Variants in CYSLTR1 observed in about 807,000 individuals in gnomAD.
CYSLTR1 encodes G-protein coupled receptor HG55.
CYSLTR1 carries 1 observed loss-of-function variant against 2.1 expected under a neutral mutation model. The observed-to-expected ratio is 0.48, with a 90% CI of 0.17 to 2.28. The LOEUF is 2.28. CYSLTR1 is among the 30% of genes most tolerant of loss of function. CYSLTR1 has a pLI of 0.26. For missense variants in CYSLTR1, 299 were observed against 250.1 expected (o/e 1.20, Z -1.32); for synonymous variants, 110 against 89.6 (o/e 1.23, Z -1.28).
chrX:78,325,323 T>C (rs961482601), intron 1 of CYSLTR1, among the ~76,000 whole-genome samples: 1 of 111,560 alleles, frequency 9.0e-6, no homozygotes, highest in African/African-American at 3.3e-5. Flanking sequence ...GAGTAGAAAG[T>C]AGCTAGCCCT....
chrX:78,291,754 G>T (rs754130321), intron 1 of CYSLTR1, among the ~76,000 whole-genome samples: 28 of 111,531 alleles, frequency 2.5e-4, no homozygotes, highest in Admixed American at 9.5e-4. Context: ...TTGCATAGAG[G>T]TGTTTTTAGT....
chrX:78,319,647 G>A (rs1162397560), intron 1 of CYSLTR1: 2 of 111,621 alleles, frequency 1.8e-5, no homozygotes, highest in Non-Finnish European at 3.8e-5. Context: ...GGATGGCTAG[G>A]TCAAATGGTA....
chrX:78,284,194 T>C (rs771205966), intron 1 of CYSLTR1, among the ~76,000 whole-genome samples: 94 of 111,526 alleles, frequency 8.4e-4, no homozygotes, highest in Middle Eastern at 4.6e-3. Context: ...CAAAGTATAA[T>C]AAATCTCCAA....
intron 1 of CYSLTR1, among the ~76,000 whole-genome samples, chrX:78,291,931 T>C (rs189161601): frequency 9.0e-6 from 1 of 110,618 alleles, no homozygotes; most frequent in East Asian, 2.8e-4. Context: ...CCTGGATTCA[T>C]TGATTTTTTT....
At chrX:78,282,748 A>T (rs906295484) in intron 2 of CYSLTR1, among the ~76,000 whole-genome samples, 1 of 111,535 alleles carries the variant, frequency 9.0e-6, no homozygotes, top group East Asian at 2.8e-4. Context: ...AAAATAAAAA[A>T]TCCCACCCAT....
At chrX:78,313,853 G>A (rs1923305394) in intron 1 of CYSLTR1, among the ~76,000 whole-genome samples, 1 of 111,942 alleles carries the variant, frequency 8.9e-6, no homozygotes, top group African/African-American at 3.2e-5. Context: ...TATAATTTAG[G>A]GGGTAGAGAG....
At chrX:78,326,847 G>A (rs931773506) in intron 1 of CYSLTR1, among the ~76,000 whole-genome samples, 2 of 111,826 alleles carry the variant, frequency 1.8e-5, no homozygotes, top group African/African-American at 6.5e-5. Flanking sequence ...ATGTTGAAAG[G>A]TTCAGGTGGG....
At chrX:78,320,729 C>G (rs1174063689) in intron 1 of CYSLTR1, 2 of 111,643 alleles carry the variant, frequency 1.8e-5, no homozygotes, top group Non-Finnish European at 3.8e-5. Context: ...GATCTTGATT[C>G]TTCCTACCCA....
chrX:78,305,714 A>G (rs1923007320), intron 1 of CYSLTR1, among the ~76,000 whole-genome samples: 1 of 112,454 alleles, frequency 8.9e-6, no homozygotes, highest in Non-Finnish European at 1.9e-5. Context: ...TATTTCATTT[A>G]AGTGGAATAA....
At chrX:78,282,392 G>T (rs766491780) in intron 2 of CYSLTR1, among the ~76,000 whole-genome samples, 4 of 112,151 alleles carry the variant, frequency 3.6e-5, no homozygotes, top group Non-Finnish European at 7.5e-5. Flanking sequence ...GCCCATAAAT[G>T]CTCAGTAAGT....
At chrX:78,314,396 C>T (rs1269755162) in intron 1 of CYSLTR1, among the ~76,000 whole-genome samples, 1 of 111,796 alleles carries the variant, frequency 8.9e-6, no homozygotes, top group African/African-American at 3.3e-5. Flanking sequence ...CACCAATTGT[C>T]TTCCCTGCAG....
intron 1 of CYSLTR1, among the ~76,000 whole-genome samples, chrX:78,284,550 G>A (rs1228432623): frequency 1.8e-5 from 2 of 109,869 alleles, no homozygotes; most frequent in African/African-American, 6.6e-5. Flanking sequence ...GCAGGCATAC[G>A]CCACCACACC....
chrX:78,277,673 C>G (rs890608415), intron 2 of CYSLTR1, among the ~76,000 whole-genome samples: 1 of 111,499 alleles, frequency 9.0e-6, no homozygotes, highest in African/African-American at 3.3e-5. Flanking sequence ...ATCTCGGACC[C>G]CTGAAAGTAT....
intron 1 of CYSLTR1, among the ~76,000 whole-genome samples, chrX:78,284,859 T>C (rs1314692238): frequency 9.0e-6 from 1 of 110,845 alleles, no homozygotes; most frequent in Non-Finnish European, 1.9e-5. Flanking sequence ...AGCTGCAATA[T>C]TGGAGTTCGA....
At chrX:78,327,248 A>G (rs1184523011) in intron 1 of CYSLTR1, 57 bp downstream of exon 1, 1 of 112,148 alleles carries the variant, frequency 8.9e-6, no homozygotes, top group Non-Finnish European at 1.9e-5. Flanking sequence ...ATTTACCATC[A>G]GCAACATTTT....
chrX:78,272,985 G>T lies in CYSLTR1; in HGVS notation c.762C>A (p.Thr254=). The change falls in exon 3 of 3, where the codon ACC becomes ACA. Residue 254 remains threonine, a synonymous_variant. Coordinates refer to ENST00000373304, the MANE Select transcript of CYSLTR1 (RefSeq NM_006639.4). ...CATTGTGTAAAAAATGAAGGTGAAT[G>T]GTACGTTGAATATGATATGGCATGA... The part of the protein sequence containing the change: ...VSFMPYHIQR[T]IHLHFLHNET... The T allele has an allele frequency of 1.7e-6, 2 of 1,211,137 alleles. No individual in the cohort carries two copies. The highest frequency in any genetic ancestry group is 2.2e-6 in the Non-Finnish European group (2 of 895,251).
intron 1 of CYSLTR1, among the ~76,000 whole-genome samples, chrX:78,310,194 G>T (rs753541326): frequency 1.8e-5 from 2 of 111,293 alleles, no homozygotes; most frequent in Non-Finnish European, 3.8e-5. Context: ...AACTATTCAA[G>T]ACTACAATAA....
chrX:78,303,978 A>T (rs1922929792), intron 1 of CYSLTR1, among the ~76,000 whole-genome samples: 1 of 111,718 alleles, frequency 9.0e-6, no homozygotes, highest in Admixed American at 9.5e-5. Context: ...TTATAGTTTC[A>T]ATGAAGAGAA....
intron 1 of CYSLTR1, among the ~76,000 whole-genome samples, chrX:78,306,265 G>A (rs1012400318): frequency 4.5e-5 from 5 of 110,875 alleles, no homozygotes; most frequent in Non-Finnish European, 7.6e-5. Flanking sequence ...CCAGGTTTAA[G>A]CAATTCTTCT....
Sources: allele counts gnomAD v4.1 joint callset (sites outside exome capture counted in the v4.1 genomes callset), GRCh38; gene constraint gnomAD v4.1.1; transcripts MANE v1.5; gene names NCBI Gene and HGNC (gene_info 2026-07-23, HGNC 2026-07-21).